Variants in GLIS3 observed in about 807,000 individuals in gnomAD.
The protein encoded by GLIS3 is zinc finger protein GLIS3.
A neutral mutation model predicts 78.6 loss-of-function variants in GLIS3; 53 were observed. That is an observed-to-expected ratio of 0.67 (90% confidence interval 0.54 to 0.85). GLIS3 has a LOEUF of 0.85. GLIS3 is among the 40% of genes least tolerant of loss of function. The probability of loss-of-function intolerance (pLI) is 0.00; values close to 1 mark genes in which losing one functional copy is unlikely to be tolerated. For missense variants in GLIS3, 1,703 were observed against 1,231.1 expected, an observed-to-expected ratio of 1.38 and a Z score of -5.74; for synonymous variants, 684 against 509.9, an observed-to-expected ratio of 1.34 and a Z score of -4.60.
chr9:3,991,823 T>A (rs1444546570), intron 4 of GLIS3, among the ~76,000 whole-genome samples: 15 of 151,892 alleles, frequency 9.9e-5, no homozygotes, highest in African/African-American at 3.4e-4. Flanking sequence ...CCCGAGTAGC[T>A]GGGACTACAG....
At chr9:4,372,513 C>A in the GLIS3 span, among the ~76,000 whole-genome samples, 1 of 146,338 alleles carries the variant, frequency 6.8e-6, no homozygotes, top group East Asian at 2.0e-4. Flanking sequence ...CTGGCTTTTA[C>A]ACTTCAGGAG....
chr9:3,877,164 C>G (rs1821372004), intron 8 of GLIS3, among the ~76,000 whole-genome samples: 1 of 152,168 alleles, frequency 6.6e-6, no homozygotes. Flanking sequence ...GTAAGATTCT[C>G]AGCCAGGCAG....
chr9:3,879,391 C>T (rs1208477218), intron 8 of GLIS3, 36 bp downstream of exon 8: 11 of 1,606,642 alleles, frequency 6.8e-6, no homozygotes, highest in South Asian at 3.3e-5. Flanking sequence ...GGTTTGGCGG[C>T]GACACCTATT....
At chr9:4,176,530 A>C (rs1392281846) in intron 2 of GLIS3, among the ~76,000 whole-genome samples, 1 of 152,034 alleles carries the variant, frequency 6.6e-6, no homozygotes, top group African/African-American at 2.4e-5. Context: ...TTTCTTTACT[A>C]TTGCACTTTT....
intron 2 of GLIS3, among the ~76,000 whole-genome samples, chr9:4,261,600 G>C (rs12005016): frequency 0.023 from 3,464 of 152,222 alleles, 93 homozygotes; most frequent in African/African-American, 0.071. Context: ...GAGAACTCAA[G>C]AGGGTTACTC....
chr9:4,022,609 A>G (rs1822982859), intron 4 of GLIS3, among the ~76,000 whole-genome samples: 1 of 152,204 alleles, frequency 6.6e-6, no homozygotes, highest in Admixed American at 6.5e-5. Flanking sequence ...ATCTGTCCAC[A>G]GTGAGACTTG....
chr9:4,044,046 A>G (rs1013384621), intron 4 of GLIS3, among the ~76,000 whole-genome samples: 1 of 152,306 alleles, frequency 6.6e-6, no homozygotes, highest in South Asian at 2.1e-4. Context: ...GCAGGCAAAC[A>G]TCACCAATAG....
intron 4 of GLIS3, among the ~76,000 whole-genome samples, chr9:4,016,314 T>G (rs1822436568): frequency 6.6e-6 from 1 of 152,196 alleles, no homozygotes; most frequent in South Asian, 2.1e-4. Context: ...CCAAAACTAC[T>G]GAAATTCCCT....
chr9:4,028,349 A>G (rs991535930), intron 4 of GLIS3, among the ~76,000 whole-genome samples: 2 of 152,190 alleles, frequency 1.3e-5, no homozygotes, highest in African/African-American at 4.8e-5. Context: ...CTACTTAATG[A>G]AAAACCAATT....
chr9:4,356,684 T>G, the GLIS3 span, among the ~76,000 whole-genome samples: 8 of 152,240 alleles, frequency 5.3e-5, no homozygotes, highest in Non-Finnish European at 1.0e-4. Flanking sequence ...CAAAGACTGC[T>G]TGTTTCATTT....
intron 6 of GLIS3, among the ~76,000 whole-genome samples, chr9:3,913,136 TG>T (rs1339490714): frequency 1.3e-5 from 2 of 152,204 alleles, no homozygotes; most frequent in African/African-American, 4.8e-5. Context: ...TTAGGAAGTG[TG>T]GGGAGGGACT....
In GLIS3 at chr9:4,101,576, A is replaced by G. The variant is rs1830375091; in HGVS notation, c.1710+16192T>C. On this transcript the variant is annotated intron_variant, in intron 4 of 10. Coordinates refer to ENST00000381971, the MANE Select transcript of GLIS3 (RefSeq NM_001042413.2). ...AACACGTTAGCTAAACAATCTTATA[A>G]TTTAGAAATTATTTTTCTAGGGTAA... is the stretch of plus-strand genomic sequence containing the variant. Among the ~76,000 whole-genome samples the G allele has an allele frequency of 2.6e-5, 4 of 152,196 alleles. No individual in the cohort carries two copies. The South Asian group carries it at 8.3e-4, about 31-fold the overall frequency.
the GLIS3 span, among the ~76,000 whole-genome samples, chr9:4,385,052 T>G: frequency 6.6e-6 from 1 of 152,166 alleles, no homozygotes; most frequent in Admixed American, 6.5e-5. Context: ...AAAACAATAG[T>G]GGAGCAATAT....
At chr9:4,048,905 G>C (rs1400992042) in intron 4 of GLIS3, among the ~76,000 whole-genome samples, 1 of 152,216 alleles carries the variant, frequency 6.6e-6, no homozygotes, top group Non-Finnish European at 1.5e-5. Context: ...TGGAATGCCA[G>C]TGACCCTACT....
intron 4 of GLIS3, among the ~76,000 whole-genome samples, chr9:3,959,389 G>C (rs1360030775): frequency 7.2e-5 from 11 of 152,132 alleles, no homozygotes; most frequent in Non-Finnish European, 1.6e-4. Context: ...AAGCCCCCTA[G>C]TCTGTGATAT....
At chr9:4,078,695 T>C (rs952454574) in intron 4 of GLIS3, among the ~76,000 whole-genome samples, 2 of 152,348 alleles carry the variant, frequency 1.3e-5, no homozygotes, top group South Asian at 2.1e-4. Flanking sequence ...GTCAGCATTT[T>C]TCACTATAAT....
chr9:4,289,123 G>T (rs1373809771), intron 1 of GLIS3, among the ~76,000 whole-genome samples: 2 of 152,046 alleles, frequency 1.3e-5, no homozygotes, highest in African/African-American at 2.4e-5. Context: ...TGAATGAAAT[G>T]GCACTCAAAA....
intron 2 of GLIS3, among the ~76,000 whole-genome samples, chr9:4,136,821 C>T (rs1833442062): frequency 6.6e-6 from 1 of 152,178 alleles, no homozygotes; most frequent in South Asian, 2.1e-4. Context: ...GATTTAAAAG[C>T]TGGACATTAC....
intron 4 of GLIS3, among the ~76,000 whole-genome samples, chr9:3,984,078 G>A (rs938352189): frequency 2.0e-5 from 3 of 152,248 alleles, no homozygotes; most frequent in Non-Finnish European, 4.4e-5. Flanking sequence ...GGGACTGTGT[G>A]TGCTGTGTGC....
Sources: gnomAD v4.1 joint callset for allele counts (sites outside exome capture counted in the v4.1 genomes callset) on GRCh38, gnomAD v4.1.1 for gene constraint, MANE v1.5 for transcripts, NCBI Gene and HGNC (gene_info 2026-07-23, HGNC 2026-07-21) for gene names.